Variants in APOB observed in about 807,000 individuals in gnomAD.
The protein encoded by APOB is apolipoprotein B, also known as apolipoprotein B-100.
A neutral mutation model predicts 314.1 loss-of-function variants in APOB; 153 were observed. That is an observed-to-expected ratio of 0.49 (90% confidence interval 0.43 to 0.56). APOB has a LOEUF of 0.56. APOB is among the 20% of genes least tolerant of loss of function. APOB has a pLI of 0.00. For synonymous variants in APOB, 2,087 were observed against 2,036.4 expected (o/e 1.02, Z -0.67); for missense variants, 5,430 against 5,350.7 (o/e 1.01, Z -0.46).
rs760668446 is a variant in APOB, at chr2:21,002,813, C to A, written c.12609G>T (p.Gln4203His). The change falls in exon 29 of 29, where the codon CAG (glutamine) becomes CAT (histidine). Residue 4203 changes from glutamine to histidine, a missense_variant. Gln to His is a conservative substitution (Grantham distance 24). Coordinates refer to ENST00000233242, the MANE Select transcript of APOB (RefSeq NM_000384.3). ...LIDFLNFPRFQFPGKPGIYTR... is the reference protein window; with the variant it reads ...LIDFLNFPRFHFPGKPGIYTR... ...TGTATATCCCAGGTTTCCCCGGAAA[C>A]TGGAATCTGGGGAAGTTCAGAAAAT... 4 of 1,610,954 alleles carry A rather than the reference C, an allele frequency of 2.5e-6. No individual in the cohort carries two copies. The highest frequency in any genetic ancestry group is 3.4e-6 in the Non-Finnish European group (4 of 1,178,214).
rs1436158536 is a variant in APOB at position 21,010,427 on chromosome 2, T to A, written c.6441A>T (p.Lys2147Asn). The change falls in exon 26 of 29, where the codon AAA becomes AAT. Residue 2147 changes from lysine to asparagine, a missense_variant. Physicochemically the swap from Lys to Asn is moderately conservative, Grantham distance 94. Coordinates refer to ENST00000233242, the MANE Select transcript of APOB (RefSeq NM_000384.3). ...TATCATTTTCTGTAATTCTATACTT[T>A]TTTGTGAGAGCAGTCAGTTTCTCCT... The part of the protein sequence containing the change: ...HAKEKLTALT[K>N]KYRITENDIQ... 6.2e-7 allele frequency: 1 copy of A among 1,603,406 alleles called. No homozygotes were observed. The highest frequency in any genetic ancestry group is 8.5e-7 in the Non-Finnish European group (1 of 1,173,226).
At chr2:21,017,014 TAAACAAAC>T (rs1307564067) in intron 20 of APOB, among the ~76,000 whole-genome samples, 1 of 132,784 alleles carries the variant, frequency 7.5e-6, no homozygotes, top group African/African-American at 2.8e-5. Context: ...AATAAATAAA[TAAACAAAC>T]AAATAAATAA....
chr2:21,031,709 G>T (rs559145158), intron 10 of APOB, among the ~76,000 whole-genome samples: 1 of 152,102 alleles, frequency 6.6e-6, no homozygotes, highest in Non-Finnish European at 1.5e-5. Context: ...ATTAGCCAGG[G>T]CATGGTAGCA....
rs778962767 is a variant in APOB at position 21,008,042 on chromosome 2, A to C, written c.8826T>G (p.His2942Gln). The change falls in exon 26 of 29, where the codon CAT (histidine) becomes CAG (glutamine). Residue 2942 changes from histidine to glutamine, a missense_variant. His to Gln is a conservative substitution (Grantham distance 24). Transcript: ENST00000233242. Reference sequence around the variant, plus strand: ...CTATGGTGAAACTAATTTGTGATTCATGTGTTCCCTCATCTGAGAATCTGG... The same window carrying C: ...CTATGGTGAAACTAATTTGTGATTCCTGTGTTCCCTCATCTGAGAATCTGG... The part of the protein sequence containing the change: ...ACPRFSDEGT[H>Q]ESQISFTIEG... The C allele has an allele frequency of 6.2e-7, 1 of 1,614,070 alleles. No homozygotes were observed. The highest frequency in any genetic ancestry group is 2.2e-5 in the East Asian group (1 of 44,870).
rs373774326 is a variant in APOB at position 21,008,512 on chromosome 2, C to T, written c.8356G>A (p.Glu2786Lys). The T allele has an allele frequency of 2.7e-5, 44 of 1,613,928 alleles. No individual in the cohort carries two copies. The highest frequency in any genetic ancestry group is 6.7e-5 in the Admixed American group (4 of 59,972). The change falls in exon 26 of 29, where the codon GAA becomes AAA. Residue 2786 changes from glutamate to lysine, a missense_variant. Glu to Lys is a moderately conservative substitution (Grantham distance 56, BLOSUM62 1). Around this residue, in one of 3 missense-constraint regions of APOB, gnomAD observed 3,281 missense variants for 3,171.0 expected, o/e 1.03. Coordinates refer to ENST00000233242, the MANE Select transcript of APOB (RefSeq NM_000384.3). The part of the protein sequence containing the change: ...DIGNGTTSAN[E>K]AGIAASITAK... ...GTGATGGAAGCTGCGATACCTGCTT[C>T]GTTTGCTGAGGTGGTTCCATTCCCT...
chr2:21,031,834 A>T (rs1362550228), intron 10 of APOB, among the ~76,000 whole-genome samples: 1 of 152,080 alleles, frequency 6.6e-6, no homozygotes, highest in African/African-American at 2.4e-5. Flanking sequence ...TGGGTGACAC[A>T]GTGAGACCAT....
chr2:21,033,407 T>C lies in APOB; in HGVS notation c.1016A>G (p.Glu339Gly), dbSNP rs1572799230. The stretch of plus-strand genomic sequence containing the variant: ...GAGATTAGCTCTCTGGATATTTTGC[T>C]CAGAGATGGTTAGTTTTTTCAGTTC... ...LQELKKLTISEQNIQRANLFN... is the reference protein window; with the variant it reads ...LQELKKLTISGQNIQRANLFN... The change falls in exon 9 of 29, where the codon GAG becomes GGG. Residue 339 changes from glutamate (E) to glycine (G), a missense_variant. By Grantham distance (98) the Glu-to-Gly change is moderately conservative (BLOSUM62 -2). Transcript: ENST00000233242. The C allele has an allele frequency of 1.2e-6, 2 of 1,614,172 alleles. No individual in the cohort carries two copies. The highest frequency in any genetic ancestry group is 8.5e-7 in the Non-Finnish European group (1 of 1,179,996).
chr2:21,023,610 G>A lies in APOB; in HGVS notation c.2519C>T (p.Thr840Ile). ...IFMENAFELP[T>I]GAGLQLQISS... ...TATTTGCAACTGTAATCCAGCTCCA[G>A]TGGGGAGTTCAAAGGCATTCTCCAT... The change falls in exon 17 of 29, where the codon ACT becomes ATT. Residue 840 changes from threonine to isoleucine, a missense_variant. By Grantham distance (89) the Thr-to-Ile change is moderately conservative (BLOSUM62 -1). Coordinates refer to ENST00000233242, the MANE Select transcript of APOB (RefSeq NM_000384.3). The A allele has an allele frequency of 6.2e-7, 1 of 1,614,212 alleles. No homozygotes were observed.
At chr2:21,030,458 G>C (rs1197269443) in intron 10 of APOB, among the ~76,000 whole-genome samples, 1 of 152,046 alleles carries the variant, frequency 6.6e-6, no homozygotes, top group Non-Finnish European at 1.5e-5. Flanking sequence ...AACTCAAGAT[G>C]GATCAAAGAC....
At chr2:21,003,827 A>T (rs1248160893) in intron 28 of APOB, among the ~76,000 whole-genome samples, 2 of 152,184 alleles carry the variant, frequency 1.3e-5, no homozygotes, top group African/African-American at 2.4e-5. Context: ...TCCTCTGGTA[A>T]TGTCACCCTT....
rs1439545897 is a variant in APOB, at chr2:21,023,528, G to A, written c.2601C>T (p.Ala867=). 5.6e-6 allele frequency: 9 copies of A among 1,614,122 alleles called. No homozygotes were observed. Among genetic ancestry groups the A allele is most frequent in the Non-Finnish European group, 7.6e-6 (9 of 1,179,996 alleles). Residue 867 remains alanine (A), a synonymous_variant, in exon 17 of 29, where the codon GCC becomes GCT. Transcript: ENST00000233242. ...GAKAGVKLEV[A]NMQAELVAKP... ...CAAAAGGCAAACAGAATCTTACGTT[G>A]GCTACTTCCAGTTTTACTCCAGCCT...
At chr2:21,019,328 A>G (rs977544819) in intron 19 of APOB, among the ~76,000 whole-genome samples, 6 of 152,256 alleles carry the variant, frequency 3.9e-5, no homozygotes, top group Admixed American at 2.0e-4. Flanking sequence ...TTGGACAAGC[A>G]GAGCAGGAGT....
At chr2:21,032,905 C>A (rs556099974) in intron 9 of APOB, among the ~76,000 whole-genome samples, 11 of 152,300 alleles carry the variant, frequency 7.2e-5, no homozygotes, top group African/African-American at 1.9e-4. Context: ...TCCCTTCTCT[C>A]ACCTTCATAG....
chr2:21,036,708 T>A (rs982448997), intron 6 of APOB, among the ~76,000 whole-genome samples: 1 of 152,112 alleles, frequency 6.6e-6, no homozygotes, highest in Non-Finnish European at 1.5e-5. Flanking sequence ...GGCCAGAGGC[T>A]TGGAGCTGGC....
At position 21,002,175 on chromosome 2, in the gene APOB, A is replaced by G. The variant is rs577157440; in HGVS notation, c.13247T>C (p.Val4416Ala). The change falls in exon 29 of 29, where the codon GTT becomes GCT. Residue 4416 changes from valine to alanine, a missense_variant. Transcript: ENST00000233242. ...TTCAGAATGGAAGTCCTTAAGAGCA[A>G]CTAACAGGTTCTTGATCAGACTGAC... is the stretch of plus-strand genomic sequence containing the variant. ...KIVSLIKNLL[V>A]ALKDFHSEYI... 6.2e-7 allele frequency: 1 copy of G among 1,613,988 alleles called. No homozygotes were observed. The highest frequency in any genetic ancestry group is 2.2e-5 in the East Asian group (1 of 44,872).
At chr2:21,030,877 A>G (rs537133628) in intron 10 of APOB, among the ~76,000 whole-genome samples, 1 of 152,348 alleles carries the variant, frequency 6.6e-6, no homozygotes, top group African/African-American at 2.4e-5. Context: ...ATCATTAGAG[A>G]AATGTAAATT....
intron 12 of APOB, among the ~76,000 whole-genome samples, chr2:21,029,026 G>A (rs949596146): frequency 6.6e-6 from 1 of 152,198 alleles, no homozygotes; most frequent in African/African-American, 2.4e-5. Flanking sequence ...TGGTCAATCT[G>A]GTAGGTGGAC....
Position 21,001,579 on chromosome 2 carries a change from C to T in APOB, c.*151G>A, listed in dbSNP as rs2103345819. The T allele has an allele frequency of 1.4e-6, 1 of 707,694 alleles. No homozygotes were observed. 43.8% of individuals were successfully genotyped at this position (707,694 alleles called of 1,614,324 possible). A position where few individuals can be genotyped will look rare whatever the true frequency, so the allele number is the denominator to read the frequency against. ...CCCTGGTGCCAGCTTTGGTGCAGGT[C>T]CAGTTCATATGTGCTTCTGCTTATA... On this transcript the variant is annotated 3_prime_UTR_variant, in exon 29 of 29. Transcript: ENST00000233242.
In APOB at chr2:21,009,261, A is replaced by G. The variant is rs761663694; in HGVS notation, c.7607T>C (p.Leu2536Pro). The change falls in exon 26 of 29, where the codon CTG (leucine) becomes CCG (proline). Residue 2536 changes from leucine to proline, a missense_variant. Physicochemically the swap from Leu to Pro is moderately conservative, Grantham distance 98 (BLOSUM62 -3). Transcript: ENST00000233242. ...MDIQQELQRYLSLVGQVYSTL... is the reference protein window; with the variant it reads ...MDIQQELQRYPSLVGQVYSTL... ...GCTATAAACCTGGCCTACCAGAGACAGGTATCGTTGAAGTTCCTGCTGAAT... is the reference window on the plus strand; with the variant it reads ...GCTATAAACCTGGCCTACCAGAGACGGGTATCGTTGAAGTTCCTGCTGAAT... 6.2e-7 allele frequency: 1 copy of G among 1,614,022 alleles called. No individual in the cohort carries two copies. Among genetic ancestry groups the G allele is most frequent in the African/African-American group, 1.3e-5 (1 of 74,942 alleles).
Sources: allele counts gnomAD v4.1 joint callset (sites outside exome capture counted in the v4.1 genomes callset), GRCh38; gene constraint gnomAD v4.1.1; regional missense constraint gnomAD v4.1.1; transcripts MANE v1.5; gene names NCBI Gene and HGNC (gene_info 2026-07-23, HGNC 2026-07-21).